GALNT14: variants seen among roughly 807,000 people sequenced by gnomAD.
GALNT14 encodes the protein UDP-GalNAc:polypeptide N-acetylgalactosaminyltransferase 14.
A neutral mutation model predicts 77.5 loss-of-function variants in GALNT14; 60 were observed. That is an observed-to-expected ratio of 0.77 (90% confidence interval 0.63 to 0.96). The LOEUF is 0.96. GALNT14 is among the 40% of genes least tolerant of loss of function. GALNT14 has a pLI of 0.00. For synonymous variants in GALNT14, 280 were observed against 281.7 expected, an observed-to-expected ratio of 0.99 and a Z score of 0.06; for missense variants, 710 against 731.0, an observed-to-expected ratio of 0.97 and a Z score of 0.33.
intron 13 of GALNT14, among the ~76,000 whole-genome samples, chr2:30,912,669 T>C (rs1182261885): frequency 6.6e-6 from 1 of 152,178 alleles, no homozygotes; most frequent in Non-Finnish European, 1.5e-5. Context: ...ACAGTTTTTG[T>C]TTGGAGAAAA....
At chr2:31,028,315 C>G (rs1197905142) in intron 1 of GALNT14, among the ~76,000 whole-genome samples, 1 of 152,172 alleles carries the variant, frequency 6.6e-6, no homozygotes, top group African/African-American at 2.4e-5. Context: ...ACATGACAGG[C>G]AGGAGCTGCT....
At chr2:30,902,167 A>G in the GALNT14 span, among the ~76,000 whole-genome samples, 1 of 151,910 alleles carries the variant, frequency 6.6e-6, no homozygotes, top group African/African-American at 2.4e-5. Flanking sequence ...GGGCTGGAGA[A>G]TGTCACTATC....
At chr2:30,976,612 CGTGTGTGTATGT>C (rs1263048358) in intron 2 of GALNT14, among the ~76,000 whole-genome samples, 2 of 148,402 alleles carry the variant, frequency 1.3e-5, no homozygotes, top group Admixed American at 6.6e-5. Flanking sequence ...TGTGCGTGTG[CGTGTGTGTATGT>C]GTGTGTGTGT....
intron 2 of GALNT14, chr2:30,987,181 G>A (rs1669348766): frequency 6.6e-6 from 1 of 152,190 alleles, no homozygotes; most frequent in African/African-American, 2.4e-5. Context: ...AAAGGACAAG[G>A]TTGCAGCAGA....
intron 13 of GALNT14, among the ~76,000 whole-genome samples, chr2:30,917,308 G>T (rs1572961587): frequency 6.6e-6 from 1 of 152,096 alleles, no homozygotes; most frequent in Non-Finnish European, 1.5e-5. Context: ...ACCAGTGGGT[G>T]GGGTCATGGA....
intron 2 of GALNT14, among the ~76,000 whole-genome samples, chr2:30,988,956 T>C (rs1669489608): frequency 6.6e-6 from 1 of 152,146 alleles, no homozygotes; most frequent in South Asian, 2.1e-4. Context: ...ACTAGCGGCG[T>C]TGGTATGACC....
At position 30,955,680 on chromosome 2, in the gene GALNT14, G is replaced by A. The variant is rs1558439398; in HGVS notation, c.592C>T (p.Leu198Phe). 1.2e-6 allele frequency: 2 copies of A among 1,614,210 alleles called. No homozygotes were observed. The highest frequency in any genetic ancestry group is 2.2e-5 in the South Asian group (2 of 91,086). ...CTGTTCACCTCACAGTGGCTGTCGA[G>A]GAAAGTCAGAGTGGTGCCCTGGGCG... ...DIAQGTTLTF[L>F]DSHCEVNRDW... The change falls in exon 6 of 15, where the codon CTC (leucine) becomes TTC (phenylalanine). Residue 198 changes from leucine (L) to phenylalanine (F), a missense_variant. Coordinates refer to ENST00000349752, the MANE Select transcript of GALNT14 (RefSeq NM_024572.4).
chr2:30,920,361 G>A (rs1485735921), intron 13 of GALNT14, among the ~76,000 whole-genome samples: 1 of 152,140 alleles, frequency 6.6e-6, no homozygotes, highest in Non-Finnish European at 1.5e-5. Context: ...AAAAGAAGTG[G>A]GAGCAGAGAA....
At chr2:31,079,239 T>C (rs1676006823) in intron 1 of GALNT14, among the ~76,000 whole-genome samples, 1 of 152,180 alleles carries the variant, frequency 6.6e-6, no homozygotes, top group Non-Finnish European at 1.5e-5. Context: ...CTTCTAGGGA[T>C]GATGGCTTCT....
chr2:30,981,896 C>T (rs552639676), intron 2 of GALNT14, among the ~76,000 whole-genome samples: 55 of 152,314 alleles, frequency 3.6e-4, no homozygotes, highest in African/African-American at 1.1e-3. Flanking sequence ...AAAGGGCATG[C>T]ACTTTCGCAG....
intron 1 of GALNT14, among the ~76,000 whole-genome samples, chr2:31,072,254 C>T (rs1052165047): frequency 1.2e-4 from 10 of 83,188 alleles, no homozygotes; most frequent in African/African-American, 4.4e-4. Context: ...CCTCTCTTTT[C>T]TCTCTCTCTC....
intron 9 of GALNT14, among the ~76,000 whole-genome samples, chr2:30,937,311 C>A (rs924788153): frequency 6.6e-6 from 1 of 152,216 alleles, no homozygotes; most frequent in Non-Finnish European, 1.5e-5. Flanking sequence ...TGATGTGGGG[C>A]CTACTACCAT....
intron 1 of GALNT14, among the ~76,000 whole-genome samples, chr2:31,093,536 G>A (rs1676859809): frequency 6.6e-6 from 1 of 152,144 alleles, no homozygotes; most frequent in Non-Finnish European, 1.5e-5. Flanking sequence ...CAGTGTCTGG[G>A]GAGCCTGGGA....
chr2:30,984,403 G>A (rs1055750971), intron 2 of GALNT14, among the ~76,000 whole-genome samples: 1 of 152,176 alleles, frequency 6.6e-6, no homozygotes, highest in Admixed American at 6.5e-5. Context: ...CCATGGTGCT[G>A]GCCAGGAATG....
chr2:31,007,256 G>A (rs998685961), intron 1 of GALNT14, among the ~76,000 whole-genome samples: 1 of 152,138 alleles, frequency 6.6e-6, no homozygotes, highest in Non-Finnish European at 1.5e-5. Context: ...CTGAGAAGCT[G>A]GGAGAAATCC....
intron 6 of GALNT14, among the ~76,000 whole-genome samples, chr2:30,948,068 C>G (rs1355382492): frequency 6.6e-6 from 1 of 152,198 alleles, no homozygotes; most frequent in Non-Finnish European, 1.5e-5. Context: ...TGGATACATA[C>G]TGCAGGCACA....
At chr2:30,989,583 A>ATATATATATATATATATATATAT (rs56703340) in intron 2 of GALNT14, among the ~76,000 whole-genome samples, 42 of 91,768 alleles carry the variant, frequency 4.6e-4, no homozygotes, top group Middle Eastern at 5.7e-3. Context: ...TATATATATA[A>ATATATATATATATATATATATAT]AAATATATAT....
chr2:31,107,439 C>T (rs897061794), intron 1 of GALNT14, among the ~76,000 whole-genome samples: 1 of 152,176 alleles, frequency 6.6e-6, no homozygotes, highest in Non-Finnish European at 1.5e-5. Flanking sequence ...CCCTTGCACA[C>T]ATTACACATT....
At chr2:31,114,908 C>A in intron 1 of GALNT14, 1 of 697,506 alleles carries the variant, frequency 1.4e-6, no homozygotes, top group Non-Finnish European at 2.6e-6. Flanking sequence ...AGTATTATGA[C>A]TTCAGTCATA....
Sources: gnomAD v4.1 joint callset for allele counts (sites outside exome capture counted in the v4.1 genomes callset) on GRCh38, gnomAD v4.1.1 for gene constraint, MANE v1.5 for transcripts, NCBI Gene and HGNC (gene_info 2026-07-23, HGNC 2026-07-21) for gene names.